Variants in TFDP1 observed in about 807,000 individuals in gnomAD.
TFDP1 encodes the protein transcription factor Dp-1, also known as DRTF1-polypeptide 1.
In TFDP1, 6 loss-of-function variants were observed where a neutral mutation model predicts 48.0. The ratio of observed to expected loss-of-function variants is 0.13; its 90% CI spans 0.07 to 0.25. The LOEUF is 0.25. Ranked by LOEUF, TFDP1 falls within the 10% of genes least tolerant of loss-of-function variation. The pLI is 1.00. For synonymous variants in TFDP1, 201 were observed against 211.6 expected (o/e 0.95, Z 0.44); for missense variants, 335 against 543.0 (o/e 0.62, Z 3.81).
rs2049036159 is a variant in TFDP1, at chr13:113,623,132, A to C, written c.80-48A>C. 6.5e-7 allele frequency: 1 copy of C among 1,536,024 alleles called. No homozygotes were observed. The highest frequency in any genetic ancestry group is 1.8e-5 in the Admixed American group (1 of 55,202). On this transcript the variant is annotated intron_variant, in intron 3 of 11. Transcript: ENST00000375370. This position sits in a 1 kb window ranked among gnomAD's most constrained non-coding sequence, Gnocchi z 5.2. ...ATTTAGAATGGTCGCTTGTAGCCTT[A>C]ACTTAGAAAAGGAGTCTCGCCCTTG...
intron 11 of TFDP1, 114 bp downstream of exon 11, chr13:113,638,010 G>A (rs1296076024): frequency 1.7e-5 from 24 of 1,402,860 alleles, no homozygotes; most frequent in African/African-American, 2.9e-5. Context: ...CTGCTCTGAC[G>A]TGGCTTGTCT....
intron 4 of TFDP1, among the ~76,000 whole-genome samples, chr13:113,626,527 A>G (rs1029920023): frequency 3.9e-5 from 5 of 127,810 alleles, no homozygotes; most frequent in Admixed American, 8.2e-5. Context: ...GCTTCCCCGC[A>G]GCCCCCCTCC....
intron 2 of TFDP1, among the ~76,000 whole-genome samples, chr13:113,601,984 G>A (rs1005866060): frequency 6.7e-6 from 1 of 149,436 alleles, no homozygotes; most frequent in African/African-American, 2.5e-5. Flanking sequence ...GACAGAGGAG[G>A]GACGGAGCTA....
chr13:113,596,068 T>C (rs990116797), intron 2 of TFDP1, among the ~76,000 whole-genome samples: 14 of 152,020 alleles, frequency 9.2e-5, no homozygotes, highest in Non-Finnish European at 1.9e-4. Context: ...GGCGACAGAG[T>C]GAGACTCCGT....
chr13:113,596,698 A>G (rs997241413), intron 2 of TFDP1, among the ~76,000 whole-genome samples: 4 of 152,198 alleles, frequency 2.6e-5, no homozygotes, highest in Non-Finnish European at 5.9e-5. Flanking sequence ...AACAAATGGA[A>G]AAGCAGTTCC....
intron 3 of TFDP1, among the ~76,000 whole-genome samples, chr13:113,617,625 C>A (rs767845490): frequency 1.5e-5 from 2 of 134,776 alleles, no homozygotes; most frequent in Non-Finnish European, 3.4e-5. Context: ...CCTGCAGAGC[C>A]GCTCACCTGC....
chr13:113,638,444 G>A (rs1055197005), intron 11 of TFDP1, among the ~76,000 whole-genome samples: 2 of 152,004 alleles, frequency 1.3e-5, no homozygotes, highest in Non-Finnish European at 2.9e-5. Context: ...TTTTCAGAAC[G>A]CGTCTGCGGT....
intron 3 of TFDP1, among the ~76,000 whole-genome samples, chr13:113,611,280 A>AG (rs1320354385): frequency 6.6e-6 from 1 of 152,264 alleles, no homozygotes; most frequent in African/African-American, 2.4e-5. Context: ...TTGAATTCTA[A>AG]GGTATGTATA....
rs1331359432 is a variant in TFDP1 at position 113,623,706 on chromosome 13, C to T, written c.186+420C>T. ...GCTGGGAAGCCAGAGAGGGATAGGG[C>T]CCTGGCCGTGGCTGTGCGTTTGCCC... On this transcript the variant is annotated intron_variant, in intron 4 of 11. Coordinates refer to ENST00000375370, the MANE Select transcript of TFDP1 (RefSeq NM_007111.5). The surrounding 1 kb of genome is among the most constrained non-coding windows in gnomAD (Gnocchi z 5.2). 2.6e-5 allele frequency among the ~76,000 whole-genome samples: 4 copies of T among 152,198 alleles called. No homozygotes were observed. Among genetic ancestry groups the T allele is most frequent in the Non-Finnish European group, 4.4e-5 (3 of 68,022 alleles).
intron 4 of TFDP1, among the ~76,000 whole-genome samples, chr13:113,631,190 C>T (rs924795028): frequency 1.3e-5 from 2 of 152,240 alleles, no homozygotes; most frequent in African/African-American, 4.8e-5. Context: ...ATTTCATCCT[C>T]ATCCATATCA....
intron 8 of TFDP1, among the ~76,000 whole-genome samples, chr13:113,634,847 G>A (rs1037940024): frequency 1.3e-5 from 2 of 151,652 alleles, no homozygotes; most frequent in African/African-American, 4.8e-5. Flanking sequence ...GTGTGCATGT[G>A]CCTGTGTGCG....
At chr13:113,620,075 C>T (rs1594489124) in intron 3 of TFDP1, among the ~76,000 whole-genome samples, 1 of 152,198 alleles carries the variant, frequency 6.6e-6, no homozygotes, top group African/African-American at 2.4e-5. Flanking sequence ...CGACCCACCC[C>T]AGCCTCACGG....
chr13:113,595,381 TTTG>T lies in TFDP1; in HGVS notation c.12+9533_12+9535del, dbSNP rs2048261810. Among the ~76,000 whole-genome samples the T allele has an allele frequency of 2.0e-5, 3 of 152,288 alleles. No homozygotes were observed. The South Asian group carries it at 6.2e-4, about 32-fold the overall frequency. On this transcript the variant is annotated intron_variant, in intron 2 of 11. Transcript: ENST00000375370. ...ACACGGAGTGCAGCCTCCTGGGTTG[TTTG>T]CAGTTTTCCCAGGATGCTGCTAACA...
chr13:113,609,138 C>T (rs1050225573), intron 2 of TFDP1, among the ~76,000 whole-genome samples: 4 of 152,240 alleles, frequency 2.6e-5, no homozygotes, highest in Admixed American at 2.0e-4. Context: ...GGTGTGGTGG[C>T]CTCAGAGCGC....
intron 2 of TFDP1, among the ~76,000 whole-genome samples, chr13:113,608,707 G>A (rs111420641): frequency 3.3e-5 from 5 of 152,250 alleles, no homozygotes; most frequent in Admixed American, 1.3e-4. Context: ...TTAACTTCTC[G>A]GTCTTACCCA....
chr13:113,600,581 A>AACCCAGG (rs1175548377), intron 2 of TFDP1, among the ~76,000 whole-genome samples: 1 of 139,364 alleles, frequency 7.2e-6, no homozygotes, highest in Non-Finnish European at 1.6e-5. Flanking sequence ...TGCAAGAGAG[A>AACCCAGG]ACCCAGGACC....
rs1043658581 is a variant in TFDP1, at chr13:113,584,818, TCCGCGCCGCC to T, written c.-128_-119del. 8.3e-5 allele frequency: 12 copies of T among 145,214 alleles called. No homozygotes were observed. The highest frequency in any genetic ancestry group is 2.7e-4 in the African/African-American group (11 of 40,364). The allele number at this position is 145,214 out of a possible 1,614,324, so 9.0% of individuals were successfully genotyped here. ...CCGGCCCGGCCCCAGCCCGCGCCTCTCCGCGCCGCCCCGCGCTCCGCACCGCGCCCTCTCC... is the reference window on the plus strand; with the variant it reads ...CCGGCCCGGCCCCAGCCCGCGCCTCTCCGCGCTCCGCACCGCGCCCTCTCC... On this transcript the variant is annotated 5_prime_UTR_variant, in exon 1 of 12. Coordinates refer to ENST00000375370, the MANE Select transcript of TFDP1 (RefSeq NM_007111.5).
chr13:113,624,328 C>A (rs530586813), intron 4 of TFDP1, among the ~76,000 whole-genome samples: 3 of 151,716 alleles, frequency 2.0e-5, no homozygotes, highest in Non-Finnish European at 4.4e-5. Flanking sequence ...GGTGTCCTCA[C>A]GTGTCTCTCG....
In TFDP1 at chr13:113,590,656, A is replaced by AT. The variant is rs1222054698; in HGVS notation, c.12+4817dup. On this transcript the variant is annotated intron_variant, in intron 2 of 11. Coordinates refer to ENST00000375370, the MANE Select transcript of TFDP1 (RefSeq NM_007111.5). ...TACAAGAGTCTTTTCATATTTCAGG[A>AT]TTTTTTTTTTCTACATAGGATGAGG... 6.7e-3 allele frequency among the ~76,000 whole-genome samples: 1,005 copies of AT among 151,006 alleles called. 14 individuals are homozygous for AT. The highest frequency in any genetic ancestry group is 0.066 in the South Asian group (313 of 4,746).
Sources: allele counts gnomAD v4.1 joint callset (sites outside exome capture counted in the v4.1 genomes callset), GRCh38; gene constraint gnomAD v4.1.1; non-coding constraint Gnocchi (gnomAD v3.1); transcripts MANE v1.5; gene names NCBI Gene and HGNC (gene_info 2026-07-23, HGNC 2026-07-21).